R3HCC1L: variants seen among roughly 807,000 people sequenced by gnomAD.
R3HCC1L encodes the protein R3H domain and coiled-coil containing 1 like.
Under a neutral mutation model 59.9 loss-of-function variants are expected in R3HCC1L, and 51 were observed. The observed-to-expected ratio is 0.85, with a 90% CI of 0.68 to 1.07. The LOEUF (loss-of-function observed/expected upper bound fraction) is 1.07. Among genes scored for constraint, R3HCC1L ranks in the 50% least tolerant of loss-of-function variants. The pLI, the probability that R3HCC1L is intolerant of heterozygous loss-of-function variation, is 0.00. For synonymous variants in R3HCC1L, 322 were observed against 315.2 expected (o/e 1.02, Z -0.23); for missense variants, 965 against 933.0 (o/e 1.03, Z -0.45).
intron 5 of R3HCC1L, among the ~76,000 whole-genome samples, chr10:98,228,891 T>A (rs528243944): frequency 6.6e-6 from 1 of 152,326 alleles, no homozygotes; most frequent in South Asian, 2.1e-4. Context: ...ATCAGATAGT[T>A]GTAGATGTGT....
chr10:98,190,998 G>A (rs1850778910), intron 4 of R3HCC1L, among the ~76,000 whole-genome samples: 1 of 151,888 alleles, frequency 6.6e-6, no homozygotes, highest in Non-Finnish European at 1.5e-5. Flanking sequence ...CTTTTTTTCG[G>A]CTGCATAGTA....
intron 1 of R3HCC1L, among the ~76,000 whole-genome samples, chr10:98,140,783 G>C (rs148478139): frequency 7.9e-5 from 12 of 152,014 alleles, no homozygotes; most frequent in African/African-American, 2.9e-4. Flanking sequence ...TGCATATTCA[G>C]CATGCAAATA....
chr10:98,153,803 CAAAAA>C (rs10708491), intron 1 of R3HCC1L, among the ~76,000 whole-genome samples: 1 of 135,138 alleles, frequency 7.4e-6, no homozygotes. Flanking sequence ...TGTTTTACAT[CAAAAA>C]AAAAAAAAAA....
chr10:98,191,649 T>G (rs1463117247), intron 4 of R3HCC1L, among the ~76,000 whole-genome samples: 1 of 152,226 alleles, frequency 6.6e-6, no homozygotes, highest in Non-Finnish European at 1.5e-5. Context: ...AGAAGCTCTT[T>G]AGTTTAATCA....
In R3HCC1L at chr10:98,208,856, C is replaced by T; in HGVS notation, c.742C>T (p.Gln248Ter). 1.2e-6 allele frequency: 2 copies of T among 1,614,066 alleles called. No individual in the cohort carries two copies. Among genetic ancestry groups the T allele is most frequent in the African/African-American group, 1.3e-5 (1 of 75,018 alleles). Residue 248 changes from glutamine (Q) to a stop codon, truncating the protein, a stop_gained, in exon 5 of 10, where the codon CAA (glutamine) becomes TAA (stop). Transcript: ENST00000298999. LOFTEE classifies it high-confidence loss of function. ...AAGCTCTGATTCTGAAATTGTACAA[C>T]AAAGCATGCAAACATCAGATGGAAT... Reference protein sequence around the residue: ...KLSSDSEIVQQSMQTSDGILN... With the variant: ...KLSSDSEIVQ
At chr10:98,231,034 A>G (rs1457510346) in intron 5 of R3HCC1L, 1 of 424,024 alleles carries the variant, frequency 2.4e-6, no homozygotes, top group East Asian at 7.0e-5. Flanking sequence ...TACATTCAAC[A>G]AAAAGTGAAG....
chr10:98,205,553 TAAAG>T (rs1852542668), intron 4 of R3HCC1L, among the ~76,000 whole-genome samples: 1 of 152,168 alleles, frequency 6.6e-6, no homozygotes, highest in African/African-American at 2.4e-5. Flanking sequence ...ATCAGTGACA[TAAAG>T]AAAAACATCA....
intron 4 of R3HCC1L, among the ~76,000 whole-genome samples, chr10:98,207,554 T>G (rs1031562762): frequency 1.3e-5 from 2 of 152,226 alleles, no homozygotes; most frequent in Non-Finnish European, 2.9e-5. Context: ...TTTTCACTAC[T>G]TTCTCTTTTC....
intron 4 of R3HCC1L, among the ~76,000 whole-genome samples, chr10:98,171,871 G>C (rs1397552158): frequency 5.9e-5 from 9 of 152,174 alleles, no homozygotes; most frequent in African/African-American, 2.2e-4. Context: ...GACAAGCTGA[G>C]ATGAGTGTCT....
chr10:98,179,376 T>G (rs185373413), intron 4 of R3HCC1L, among the ~76,000 whole-genome samples: 51 of 152,218 alleles, frequency 3.4e-4, no homozygotes, highest in African/African-American at 1.2e-3. Flanking sequence ...TATTGATTTA[T>G]GTATGTTGAA....
At chr10:98,212,145 T>A (rs868171166) in intron 5 of R3HCC1L, among the ~76,000 whole-genome samples, 4 of 152,258 alleles carry the variant, frequency 2.6e-5, no homozygotes, top group Middle Eastern at 3.4e-3. Flanking sequence ...ACTCCTCTGC[T>A]TTGGGTTTTA....
chr10:98,212,755 A>C (rs1237778661), intron 5 of R3HCC1L, among the ~76,000 whole-genome samples: 1 of 152,168 alleles, frequency 6.6e-6, no homozygotes, highest in Non-Finnish European at 1.5e-5. Context: ...AGGAGGATTA[A>C]TGGGATACCA....
rs141023008 is a variant in R3HCC1L, at chr10:98,187,243, T to C, written c.-14-20858T>C. Among the ~76,000 whole-genome samples the C allele has an allele frequency of 2.5e-3, 388 of 152,212 alleles. 2 individuals carry two copies. Among genetic ancestry groups the C allele is most frequent in the Middle Eastern group, 6.8e-3 (2 of 294 alleles). ...TGAATATTTGCATTATATTTAACAG[T>C]TGAGAATCCCTAACCTGAAAATCTG... On this transcript the variant is annotated intron_variant, in intron 4 of 9. Transcript: ENST00000298999.
At chr10:98,232,889 C>T (rs1856543856) in intron 6 of R3HCC1L, among the ~76,000 whole-genome samples, 1 of 152,142 alleles carries the variant, frequency 6.6e-6, no homozygotes, top group African/African-American at 2.4e-5. Flanking sequence ...ACAGGCAAAA[C>T]TAGCAGCCAT....
intron 4 of R3HCC1L, among the ~76,000 whole-genome samples, chr10:98,169,014 T>C (rs192361284): frequency 7.2e-5 from 11 of 152,298 alleles, no homozygotes; most frequent in African/African-American, 2.2e-4. Context: ...CCATATGGCT[T>C]TTGAGGGTGA....
intron 9 of R3HCC1L, among the ~76,000 whole-genome samples, chr10:98,240,361 C>T (rs1362672310): frequency 6.6e-6 from 1 of 152,174 alleles, no homozygotes; most frequent in Non-Finnish European, 1.5e-5. Flanking sequence ...AAAATTTTCC[C>T]ATGTTCCACT....
chr10:98,158,543 G>T (rs1477983164), intron 2 of R3HCC1L, among the ~76,000 whole-genome samples: 1 of 152,090 alleles, frequency 6.6e-6, no homozygotes, highest in Non-Finnish European at 1.5e-5. Context: ...GTAAAATGTA[G>T]ATCTTACTCC....
intron 5 of R3HCC1L, among the ~76,000 whole-genome samples, chr10:98,230,376 T>A (rs2135600948): frequency 6.6e-6 from 1 of 152,312 alleles, no homozygotes; most frequent in Admixed American, 6.5e-5. Context: ...CGTAGAGGTG[T>A]TTATAGTATT....
At chr10:98,171,419 T>C (rs1362588880) in intron 4 of R3HCC1L, among the ~76,000 whole-genome samples, 1 of 152,132 alleles carries the variant, frequency 6.6e-6, no homozygotes, top group Non-Finnish European at 1.5e-5. Context: ...TCTTTTTTGA[T>C]AGAAACAGAG....
Sources: allele counts gnomAD v4.1 joint callset (sites outside exome capture counted in the v4.1 genomes callset), GRCh38; gene constraint gnomAD v4.1.1; transcripts MANE v1.5; gene names NCBI Gene and HGNC (gene_info 2026-07-23, HGNC 2026-07-21).